OOSP4A: variants seen among roughly 807,000 people sequenced by gnomAD.
OOSP4A encodes the protein oocyte secreted protein family member 4A, also known as oocyte-secreted protein 4A.
intron 1 of OOSP4A, among the ~76,000 whole-genome samples, chr11:59,964,711 T>C (rs925615507): frequency 2.0e-5 from 3 of 152,164 alleles, no homozygotes; most frequent in African/African-American, 7.2e-5. Flanking sequence ...TTAACATAGT[T>C]GGCAATCAAA....
chr11:59,968,565 G>A (rs1854125377), intron 3 of OOSP4A, among the ~76,000 whole-genome samples: 1 of 152,170 alleles, frequency 6.6e-6, no homozygotes, highest in East Asian at 1.9e-4. Context: ...AAATTACTTA[G>A]TCATACTACA....
At chr11:59,968,241 T>C (rs1232151869) in intron 3 of OOSP4A, among the ~76,000 whole-genome samples, 2 of 152,224 alleles carry the variant, frequency 1.3e-5, no homozygotes, top group Non-Finnish European at 2.9e-5. Context: ...TTGTGGTCCA[T>C]TTCCAGCAAT....
intron 3 of OOSP4A, 38 bp from the exon 4 acceptor site, chr11:59,969,112 A>G (rs986054048): frequency 2.5e-6 from 1 of 398,080 alleles, no homozygotes; most frequent in African/African-American, 2.1e-5. Context: ...AAAGCATAAT[A>G]TATACAAAGC....
At chr11:59,969,018 T>C (rs983778900) in intron 3 of OOSP4A, 132 bp from the exon 4 acceptor site, 7 of 393,798 alleles carry the variant, frequency 1.8e-5, no homozygotes, top group Non-Finnish European at 2.7e-5. Context: ...TTGTCTCAGC[T>C]AGCTGATTTG....
At chr11:59,966,350 A>T (rs1170946059) in intron 2 of OOSP4A, among the ~76,000 whole-genome samples, 1 of 151,996 alleles carries the variant, frequency 6.6e-6, no homozygotes, top group African/African-American at 2.4e-5. Context: ...AAAAAAAAAA[A>T]GTCTAGTATT....
chr11:59,968,765 C>T (rs773436946), intron 3 of OOSP4A, among the ~76,000 whole-genome samples: 3 of 152,160 alleles, frequency 2.0e-5, no homozygotes. Context: ...TTTAGTGACC[C>T]CACTTATCCC....
intron 1 of OOSP4A, among the ~76,000 whole-genome samples, chr11:59,965,259 G>T (rs994831379): frequency 6.6e-6 from 1 of 152,056 alleles, no homozygotes; most frequent in African/African-American, 2.4e-5. Flanking sequence ...TAACTAACCT[G>T]CACGTTGTGC....
chr11:59,969,287 A>G lies in OOSP4A; in HGVS notation c.479+3A>G, dbSNP rs1854133421. The stretch of plus-strand genomic sequence containing the variant: ...ATCCGTCCAAGAGTGTCCTATGTGT[A>G]AGAGTATTTTGAATTAGTACCATAA... On this transcript the variant is annotated splice_donor_region_variant and intron_variant, in intron 4 of 4. Transcript: ENST00000645590. 5.0e-6 allele frequency: 2 copies of G among 398,484 alleles called. No homozygotes were observed. The highest frequency in any genetic ancestry group is 8.9e-6 in the Non-Finnish European group (2 of 225,792). The allele number at this position is 398,484 out of a possible 1,614,324, so 24.7% of individuals were successfully genotyped here. A position where few individuals can be genotyped will look rare whatever the true frequency, so the allele number is the denominator to read the frequency against.
intron 4 of OOSP4A, among the ~76,000 whole-genome samples, 193 bp downstream of exon 4, chr11:59,969,477 T>G (rs558968374): frequency 6.6e-6 from 1 of 152,368 alleles, no homozygotes; most frequent in South Asian, 2.1e-4. Context: ...TCTCATTATT[T>G]CCTTACATAA....
At chr11:59,970,138 C>T (rs1270413853) in exon 5 of OOSP4A, 1 of 398,048 alleles carries the variant, frequency 2.5e-6, no homozygotes, top group Non-Finnish European at 4.4e-6. Flanking sequence ...GGCTACCCTA[C>T]TTCACCTGGT....
intron 2 of OOSP4A, among the ~76,000 whole-genome samples, chr11:59,966,167 C>CTT (rs112146765): frequency 0.017 from 2,355 of 139,778 alleles, 61 homozygotes; most frequent in African/African-American, 0.054. Flanking sequence ...CACCAGAAAA[C>CTT]TTTTTTTTTT....
Position 59,965,714 on chromosome 11 carries a change from G to C in OOSP4A, c.246+1G>C. ...AACTTTTTGTGGCATCAGAGTGAGC[G>C]TAAGAGCAGTTATTATTTCAACCAA... On this transcript the variant is annotated splice_donor_variant, in intron 2 of 4. Transcript: ENST00000645590. LOFTEE classifies it high-confidence loss of function. 2 of 398,396 alleles carry C rather than the reference G, an allele frequency of 5.0e-6. No homozygotes were observed. The highest frequency in any genetic ancestry group is 4.4e-6 in the Non-Finnish European group (1 of 225,906). 24.7% of individuals were successfully genotyped at this position (398,396 alleles called of 1,614,324 possible). A position where few individuals can be genotyped will look rare whatever the true frequency, so the allele number is the denominator to read the frequency against.
rs550046798 is a variant in OOSP4A at position 59,967,169 on chromosome 11, G to A, written c.344+5G>A. The A allele has an allele frequency of 2.5e-6, 1 of 398,048 alleles. No individual in the cohort carries two copies. Among genetic ancestry groups the A allele is most frequent in the Non-Finnish European group, 4.4e-6 (1 of 225,756 alleles). The allele number at this position is 398,048 out of a possible 1,614,324, so 24.7% of individuals were successfully genotyped here. ...AGTATCATGCTATGTGCAAAGGTAA[G>A]TGCAGTGCACTACTGAGATTAAGGC... On this transcript the variant is annotated splice_donor_5th_base_variant and intron_variant, in intron 3 of 4. Transcript: ENST00000645590.
At chr11:59,966,513 G>A (rs1238250729) in intron 2 of OOSP4A, among the ~76,000 whole-genome samples, 2 of 148,638 alleles carry the variant, frequency 1.3e-5, no homozygotes, top group Non-Finnish European at 3.0e-5. Flanking sequence ...GTCTTGCTCT[G>A]TCACCAGGCT....
intron 3 of OOSP4A, among the ~76,000 whole-genome samples, chr11:59,967,544 G>T (rs1437059957): frequency 6.6e-6 from 1 of 152,006 alleles, no homozygotes; most frequent in Non-Finnish European, 1.5e-5. Context: ...CTGCAGATGT[G>T]GGGAGGAGCC....
chr11:59,969,871 T>C (rs184588890), intron 4 of OOSP4A, among the ~76,000 whole-genome samples, 178 bp from the exon 5 acceptor site: 1 of 152,344 alleles, frequency 6.6e-6, no homozygotes, highest in East Asian at 1.9e-4. Context: ...TGTATGTGTG[T>C]ATACATGTGT....
chr11:59,965,463 GT>G (rs1457732577), intron 1 of OOSP4A, 71 bp from the exon 2 acceptor site: 1 of 397,620 alleles, frequency 2.5e-6, no homozygotes, highest in Admixed American at 4.4e-5. Context: ...GAGGTTGAAA[GT>G]TTCCTGAGTT....
chr11:59,964,175 T>C (rs546480553), intron 1 of OOSP4A, 76 bp downstream of exon 1: 3 of 391,822 alleles, frequency 7.7e-6, no homozygotes, highest in South Asian at 1.4e-4. Context: ...TTTTAACATA[T>C]TGTTGACTTT....
intron 2 of OOSP4A, among the ~76,000 whole-genome samples, chr11:59,965,954 C>G (rs1316257960): frequency 6.6e-6 from 1 of 152,042 alleles, no homozygotes; most frequent in African/African-American, 2.4e-5. Context: ...CAACATATCT[C>G]TTTTGCCTGT....
Sources: gnomAD v4.1 joint callset for allele counts (sites outside exome capture counted in the v4.1 genomes callset) on GRCh38, gnomAD v4.1.1 for gene constraint, MANE v1.5 for transcripts, NCBI Gene and HGNC (gene_info 2026-07-23, HGNC 2026-07-21) for gene names.